Variants in STAU2 observed in about 807,000 individuals in gnomAD.
The protein encoded by STAU2 is double-stranded RNA-binding protein Staufen homolog 2.
STAU2 carries 20 observed loss-of-function variants against 65.9 expected under a neutral mutation model. The ratio of observed to expected loss-of-function variants is 0.30; its 90% CI spans 0.21 to 0.44. The LOEUF is 0.44. Among genes scored for constraint, STAU2 ranks in the 20% least tolerant of loss-of-function variants. STAU2 has a pLI of 1.00. For missense variants in STAU2, 558 were observed against 683.9 expected (o/e 0.82, Z 2.05); for synonymous variants, 232 against 233.9 (o/e 0.99, Z 0.07).
chr8:73,723,834 T>G (rs1433073132), intron 3 of STAU2, among the ~76,000 whole-genome samples: 1 of 152,236 alleles, frequency 6.6e-6, no homozygotes, highest in Admixed American at 6.5e-5. Flanking sequence ...TGACGGAAGA[T>G]TCTCATAATT....
At chr8:73,485,864 T>C (rs1352042878) in intron 13 of STAU2, among the ~76,000 whole-genome samples, 8 of 151,840 alleles carry the variant, frequency 5.3e-5, no homozygotes, top group African/African-American at 1.4e-4. Context: ...AAAACCATGA[T>C]AGGCAAAAGT....
At chr8:73,480,954 C>A (rs77891763) in intron 13 of STAU2, among the ~76,000 whole-genome samples, 1 of 152,090 alleles carries the variant, frequency 6.6e-6, no homozygotes, top group Non-Finnish European at 1.5e-5. Context: ...ACTCTGACAT[C>A]GTTTAAATCA....
intron 13 of STAU2, chr8:73,550,117 T>C (rs1807224822): frequency 1.3e-5 from 13 of 985,274 alleles, no homozygotes; most frequent in South Asian, 4.7e-5. Context: ...GTATTTTACA[T>C]CAATACCAGC....
chr8:73,500,102 C>A (rs1757708097), intron 13 of STAU2, among the ~76,000 whole-genome samples: 1 of 151,872 alleles, frequency 6.6e-6, no homozygotes, highest in African/African-American at 2.4e-5. Context: ...AAGACCCATT[C>A]TTTGCCAGTC....
intron 6 of STAU2, among the ~76,000 whole-genome samples, chr8:73,630,145 T>C (rs1262480949): frequency 6.6e-6 from 1 of 152,254 alleles, no homozygotes; most frequent in African/African-American, 2.4e-5. Context: ...TTTAAATTAA[T>C]TTGTAAAATT....
intron 6 of STAU2, among the ~76,000 whole-genome samples, chr8:73,626,726 A>G (rs1294363086): frequency 6.6e-6 from 1 of 152,172 alleles, no homozygotes. Flanking sequence ...GAGTCAGAGG[A>G]GCTGGAATTA....
intron 12 of STAU2, 85 bp from the exon 13 acceptor site, chr8:73,552,404 G>T: frequency 2.5e-6 from 3 of 1,222,390 alleles, no homozygotes; most frequent in East Asian, 5.1e-5. Flanking sequence ...GGCTTTACTT[G>T]GTGTAGTAAC....
At chr8:73,710,673 T>C (rs945797304) in intron 3 of STAU2, among the ~76,000 whole-genome samples, 1 of 152,172 alleles carries the variant, frequency 6.6e-6, no homozygotes, top group Middle Eastern at 3.4e-3. Context: ...TTTTAACCTA[T>C]ATTTTTCCTT....
rs146383945 is a variant in STAU2 at position 73,542,629 on chromosome 8, A to G, written c.1530+9383T>C. On this transcript the variant is annotated intron_variant, in intron 13 of 14. Coordinates refer to ENST00000524300, the MANE Select transcript of STAU2 (RefSeq NM_001164380.2). Reference sequence around the variant, plus strand: ...AAAGAACTTGTGTAAATCAATAATTATGGGGGAAAATCCCAATTAGAAACT... The same window carrying G: ...AAAGAACTTGTGTAAATCAATAATTGTGGGGGAAAATCCCAATTAGAAACT... Among the ~76,000 whole-genome samples the G allele has an allele frequency of 4.6e-3, 701 of 152,294 alleles. 6 individuals are homozygous for G. The highest frequency in any genetic ancestry group is 0.016 in the African/African-American group (672 of 41,580).
chr8:73,747,434 C>T, upstream of STAU2: 1 of 1,534,966 alleles, frequency 6.5e-7, no homozygotes. Flanking sequence ...AGGGGACGCG[C>T]GACCATCCCG....
At chr8:73,431,744 G>A (rs975482210) in intron 13 of STAU2, among the ~76,000 whole-genome samples, 9 of 152,154 alleles carry the variant, frequency 5.9e-5, no homozygotes, top group African/African-American at 1.2e-4. Flanking sequence ...CTTGGTTTGC[G>A]CACGCACGCC....
At chr8:73,663,255 T>C (rs1816975235) in intron 6 of STAU2, among the ~76,000 whole-genome samples, 1 of 152,202 alleles carries the variant, frequency 6.6e-6, no homozygotes, top group Admixed American at 6.5e-5. Flanking sequence ...TGACACACAC[T>C]AGAATTTCAA....
chr8:73,478,198 T>G (rs1335047954), intron 13 of STAU2, among the ~76,000 whole-genome samples: 1 of 150,732 alleles, frequency 6.6e-6, no homozygotes, highest in African/African-American at 2.4e-5. Context: ...TATATGAGCA[T>G]GTACAGGGGT....
intron 12 of STAU2, among the ~76,000 whole-genome samples, chr8:73,554,458 TGC>T (rs1385459927): frequency 6.6e-6 from 1 of 152,210 alleles, no homozygotes; most frequent in Admixed American, 6.5e-5. Context: ...AGGCATTGGA[TGC>T]GTGGTATACA....
At chr8:73,519,924 G>C (rs1436920272) in intron 13 of STAU2, among the ~76,000 whole-genome samples, 5 of 152,210 alleles carry the variant, frequency 3.3e-5, no homozygotes, top group Non-Finnish European at 7.3e-5. Flanking sequence ...ACAAAGTACA[G>C]ATAGAGCTCA....
At chr8:73,452,836 A>G (rs1818868823) in intron 13 of STAU2, among the ~76,000 whole-genome samples, 1 of 152,256 alleles carries the variant, frequency 6.6e-6, no homozygotes, top group Non-Finnish European at 1.5e-5. Context: ...AGTGTATCTC[A>G]GTGACATGCT....
At chr8:73,551,787 G>C (rs1807350083) in intron 13 of STAU2, 1 of 1,201,004 alleles carries the variant, frequency 8.3e-7, no homozygotes, top group African/African-American at 1.6e-5. Flanking sequence ...AAGGAAAATG[G>C]AGAAGAGACA....
At position 73,565,920 on chromosome 8, in the gene STAU2, A is replaced by G. The variant is rs183903421; in HGVS notation, c.1223-13601T>C. Among the ~76,000 whole-genome samples the G allele has an allele frequency of 3.2e-3, 484 of 152,338 alleles. 5 individuals carry two copies. Among genetic ancestry groups the G allele is most frequent in the African/African-American group, 0.011 (468 of 41,570 alleles). On this transcript the variant is annotated intron_variant, in intron 12 of 14. Coordinates refer to ENST00000524300, the MANE Select transcript of STAU2 (RefSeq NM_001164380.2). ...TTAAAGTAGTAGTTTCCAAGAACCT[A>G]TCAATGATGTTAAGTAAGAACTTAC...
At chr8:73,563,667 A>T (rs1171968121) in intron 12 of STAU2, among the ~76,000 whole-genome samples, 4 of 152,146 alleles carry the variant, frequency 2.6e-5, no homozygotes, top group Non-Finnish European at 4.4e-5. Flanking sequence ...TCAAAATAAA[A>T]TTTTTATTAA....
Sources: gnomAD v4.1 joint callset for allele counts (sites outside exome capture counted in the v4.1 genomes callset) on GRCh38, gnomAD v4.1.1 for gene constraint, MANE v1.5 for transcripts, NCBI Gene and HGNC (gene_info 2026-07-23, HGNC 2026-07-21) for gene names.